POLR1B: variants seen among roughly 807,000 people sequenced by gnomAD.
POLR1B encodes the protein RNA polymerase I subunit B.
A neutral mutation model predicts 105.8 loss-of-function variants in POLR1B; 30 were observed. That is an observed-to-expected ratio of 0.28 (90% CI 0.21 to 0.38). The LOEUF is 0.38. Among genes scored for constraint, POLR1B ranks in the 10% least tolerant of loss-of-function variants. The pLI is 1.00. For missense variants in POLR1B, 976 were observed against 1,435.8 expected (o/e 0.68, Z 5.17); for synonymous variants, 485 against 505.1 (o/e 0.96, Z 0.53).
At chr2:112,560,795 G>C (rs966814092) in intron 9 of POLR1B, among the ~76,000 whole-genome samples, 7 of 152,140 alleles carry the variant, frequency 4.6e-5, no homozygotes, top group African/African-American at 1.7e-4. Flanking sequence ...GGTGGCCCAT[G>C]CCTGTAATCC....
Position 112,547,044 on chromosome 2 carries a change from T to C in POLR1B, c.210T>C (p.Asp70=). 1 of 1,614,228 alleles carries C rather than the reference T, an allele frequency of 6.2e-7. No homozygotes were observed. Among genetic ancestry groups the C allele is most frequent in the South Asian group, 1.1e-5 (1 of 91,088 alleles). The change falls in exon 2 of 15, where the codon GAT becomes GAC. Residue 70 remains aspartate (D), a synonymous_variant. Coordinates refer to ENST00000263331, the MANE Select transcript of POLR1B (RefSeq NM_019014.6). ...CTCCCTTTGAATTTGCTTTCAAAGA[T>C]GAGCGTATCTCTTTTACTATTCTGG... is the stretch of plus-strand genomic sequence containing the variant. The part of the protein sequence containing the change: ...AIPPFEFAFK[D]ERISFTILDA...
rs544660403 is a variant in POLR1B at position 112,549,178 on chromosome 2, G to A, written c.493-89G>A. ...TCACCTCTGTGTTCCTATTCTGTGT[G>A]TTGTACTACCTTTGGCTAGGAGTGA... On this transcript the variant is annotated intron_variant, in intron 3 of 14. Transcript: ENST00000263331. The A allele has an allele frequency of 7.5e-5, 106 of 1,417,852 alleles. 5 individuals carry two copies. In the South Asian group the frequency reaches 1.2e-3, roughly 16 times the overall value. 87.8% of individuals were successfully genotyped at this position (1,417,852 alleles called of 1,614,324 possible).
chr2:112,568,605 C>T, intron 11 of POLR1B, 141 bp from the exon 12 acceptor site: 1 of 886,710 alleles, frequency 1.1e-6, no homozygotes, highest in Non-Finnish European at 1.7e-6. Flanking sequence ...CCTGTGCTTC[C>T]CAGTTGATCC....
At position 112,563,965 on chromosome 2, in the gene POLR1B, T is replaced by C. The variant is rs377178793; in HGVS notation, c.1613-401T>C. On this transcript the variant is annotated intron_variant, in intron 9 of 14. Coordinates refer to ENST00000263331, the MANE Select transcript of POLR1B (RefSeq NM_019014.6). ...CAATTCCTCATCCATTCAGTCTGAT[T>C]ATGGGATTGCAGCAATTCACTCATA... Among the ~76,000 whole-genome samples the C allele has an allele frequency of 7.2e-5, 11 of 152,276 alleles. No homozygotes were observed. The South Asian group carries it at 2.3e-3, about 32-fold the overall frequency.
intron 10 of POLR1B, among the ~76,000 whole-genome samples, chr2:112,564,757 C>G (rs929800896): frequency 2.0e-5 from 3 of 152,186 alleles, no homozygotes; most frequent in Admixed American, 1.3e-4. Flanking sequence ...GCTTATCTAA[C>G]TAATTTTAAC....
At chr2:112,571,316 G>A (rs1558665476) in intron 12 of POLR1B, among the ~76,000 whole-genome samples, 1 of 152,156 alleles carries the variant, frequency 6.6e-6, no homozygotes, top group Non-Finnish European at 1.5e-5. Context: ...ACATTGCGAG[G>A]AGTATGTTTT....
intron 12 of POLR1B, among the ~76,000 whole-genome samples, chr2:112,569,276 C>T (rs977586689): frequency 2.6e-5 from 4 of 152,202 alleles, no homozygotes; most frequent in Admixed American, 6.5e-5. Flanking sequence ...CCTCTTCATT[C>T]CTGCTGCAAG....
chr2:112,571,244 T>C (rs1320930600), intron 12 of POLR1B, among the ~76,000 whole-genome samples: 1 of 152,176 alleles, frequency 6.6e-6, no homozygotes, highest in East Asian at 1.9e-4. Flanking sequence ...ATCAGTCTCT[T>C]TGAGTATAAG....
chr2:112,573,403 A>G (rs1401715574), intron 13 of POLR1B, among the ~76,000 whole-genome samples, 159 bp from the exon 14 acceptor site: 1 of 152,132 alleles, frequency 6.6e-6, no homozygotes, highest in African/African-American at 2.4e-5. Flanking sequence ...GTGCCCAGCC[A>G]TGTCTGGGTT....
Position 112,564,422 on chromosome 2 carries a change from C to T in POLR1B, c.1669C>T (p.Leu557=), listed in dbSNP as rs771752744. 10 of 1,614,140 alleles carry T rather than the reference C, an allele frequency of 6.2e-6. No homozygotes were observed. Among genetic ancestry groups the T allele is most frequent in the Non-Finnish European group, 2.5e-6 (3 of 1,180,052 alleles). Residue 557 remains leucine (L), a synonymous_variant, in exon 10 of 15, where the codon CTG becomes TTG. Coordinates refer to ENST00000263331, the MANE Select transcript of POLR1B (RefSeq NM_019014.6). ...HRSYSECYPV[L]LDGVMVGWVD... is the part of the protein sequence containing the mutation. ...ATCATACAGTGAGTGCTACCCTGTC[C>T]TGCTGGACGGTGTCATGGTTGGCTG...
At chr2:112,542,042 G>C (rs1682770732), upstream of POLR1B, 25 of 1,461,716 alleles carry the variant, frequency 1.7e-5, no homozygotes, top group Non-Finnish European at 2.3e-5. Flanking sequence ...CAACGACTTT[G>C]GCCGGATGAC....
rs758259870 is a variant in POLR1B, at chr2:112,572,595, A to G, written c.2108A>G (p.Tyr703Cys). 3 of 1,607,310 alleles carry G rather than the reference A, an allele frequency of 1.9e-6. No homozygotes were observed. The highest frequency in any genetic ancestry group is 3.4e-5 in the Admixed American group (2 of 58,706). Reference protein sequence around the residue: ...KQTMGFPLLTYQDRSDNKLYR... With the variant: ...KQTMGFPLLTCQDRSDNKLYR... ...ACTATGGGCTTTCCACTTCTCACTT[A>G]TCAAGACCGATCGGATAACAAACTG... The change falls in exon 13 of 15, where the codon TAT becomes TGT. Residue 703 changes from tyrosine to cysteine, a missense_variant. Tyr to Cys is a radical substitution (Grantham distance 194). Around this residue, in one of 12 missense-constraint regions of POLR1B, gnomAD observed 46 missense variants for 66.8 expected, o/e 0.69. Coordinates refer to ENST00000263331, the MANE Select transcript of POLR1B (RefSeq NM_019014.6).
At position 112,577,357 on chromosome 2, in the gene POLR1B, C is replaced by T. The variant is rs761913504; in HGVS notation, c.*1628C>T. Among the ~76,000 whole-genome samples the T allele has an allele frequency of 3.3e-5, 5 of 152,058 alleles. No individual in the cohort carries two copies. The highest frequency in any genetic ancestry group is 1.3e-4 in the Admixed American group (2 of 15,258). ...CCTGGGAGTTCTAGACTAGCCTGGG[C>T]GAGACTTCATCTCTACAAAAAAAGC... On this transcript the variant is annotated 3_prime_UTR_variant, in exon 15 of 15. Coordinates refer to ENST00000263331, the MANE Select transcript of POLR1B (RefSeq NM_019014.6).
At chr2:112,574,762 T>C (rs1372119630) in intron 14 of POLR1B, 85 bp from the exon 15 acceptor site, 1 of 1,221,420 alleles carries the variant, frequency 8.2e-7, no homozygotes, top group African/African-American at 1.5e-5. Context: ...CAAATATCCT[T>C]TATGAAGCAC....
Position 112,564,419 on chromosome 2 carries a change from G to T in POLR1B, c.1666G>T (p.Val556Phe). Residue 556 changes from valine to phenylalanine, a missense_variant, in exon 10 of 15, where the codon GTC (valine) becomes TTC (phenylalanine). Coordinates refer to ENST00000263331, the MANE Select transcript of POLR1B (RefSeq NM_019014.6). Reference protein sequence around the residue: ...PHRSYSECYPVLLDGVMVGWV... With the variant: ...PHRSYSECYPFLLDGVMVGWV... The stretch of plus-strand genomic sequence containing the variant: ...CCGATCATACAGTGAGTGCTACCCT[G>T]TCCTGCTGGACGGTGTCATGGTTGG... 6.2e-7 allele frequency: 1 copy of T among 1,614,246 alleles called. No individual in the cohort carries two copies.
Position 112,575,789 on chromosome 2 carries a change from T to G in POLR1B, c.*60T>G, listed in dbSNP as rs1348940422. On this transcript the variant is annotated 3_prime_UTR_variant, in exon 15 of 15. Transcript: ENST00000263331. The surrounding 1 kb of genome is among the most constrained non-coding windows in gnomAD (Gnocchi z 5.3). Reference sequence around the variant, plus strand: ...AGATTAAAGCAAAATGTAATTTTAATTCAATGAAGATATCATTACCAGGTT... The same window carrying G: ...AGATTAAAGCAAAATGTAATTTTAAGTCAATGAAGATATCATTACCAGGTT... The G allele has an allele frequency of 6.6e-7, 1 of 1,506,654 alleles. No individual in the cohort carries two copies. The highest frequency in any genetic ancestry group is 8.9e-7 in the Non-Finnish European group (1 of 1,117,740). 93.3% of individuals were successfully genotyped at this position (1,506,654 alleles called of 1,614,324 possible). A position where few individuals can be genotyped will look rare whatever the true frequency, so the allele number is the denominator to read the frequency against.
rs1392005768 is a variant in POLR1B, at chr2:112,577,556, T to G, written c.*1827T>G. On this transcript the variant is annotated 3_prime_UTR_variant, in exon 15 of 15. Coordinates refer to ENST00000263331, the MANE Select transcript of POLR1B (RefSeq NM_019014.6). ...AGAGCAGGACCCTGTCTCTATTTTA[T>G]AAATTAAAAAAGGCTGGGTGTGGTG... is the stretch of plus-strand genomic sequence containing the variant. Among the ~76,000 whole-genome samples the G allele has an allele frequency of 6.8e-6, 1 of 147,004 alleles. No individual in the cohort carries two copies. The highest frequency in any genetic ancestry group is 2.2e-4 in the South Asian group (1 of 4,636).
intron 4 of POLR1B, among the ~76,000 whole-genome samples, 164 bp downstream of exon 4, chr2:112,549,563 T>TTGGG (rs1244038980): frequency 1.7e-4 from 25 of 151,340 alleles, no homozygotes; most frequent in Admixed American, 5.9e-4. Context: ...TCTCGAACTC[T>TTGGG]TGGGCTCAAG....
At position 112,575,526 on chromosome 2, in the gene POLR1B, G is replaced by T; in HGVS notation, c.3205G>T (p.Val1069Leu). Residue 1069 changes from valine (V) to leucine (L), a missense_variant, in exon 15 of 15, where the codon GTG becomes TTG. Val to Leu is a conservative substitution (Grantham distance 32). Coordinates refer to ENST00000263331, the MANE Select transcript of POLR1B (RefSeq NM_019014.6). The surrounding 1 kb of genome is among the most constrained non-coding windows in gnomAD (Gnocchi z 5.3). ...FNCSDRSVAH[V>L]CVKCGSLLSP... ...CTGCTCAGATCGGTCGGTAGCCCAT[G>T]TGTGTGTGAAGTGTGGCAGTTTACT... 4 of 1,614,160 alleles carry T rather than the reference G, an allele frequency of 2.5e-6. No homozygotes were observed. In the South Asian group the frequency reaches 3.3e-5, roughly 13 times the overall value.
Sources: allele counts gnomAD v4.1 joint callset (sites outside exome capture counted in the v4.1 genomes callset), GRCh38; gene constraint gnomAD v4.1.1; regional missense constraint gnomAD v4.1.1; non-coding constraint Gnocchi (gnomAD v3.1); transcripts MANE v1.5; gene names NCBI Gene and HGNC (gene_info 2026-07-23, HGNC 2026-07-21).